The following NALF1 variants were observed in gnomAD, a reference collection of about 807,000 sequenced individuals.
NALF1 encodes family with sequence similarity 155 member A.
In NALF1, 3 loss-of-function variants were observed where a neutral mutation model predicts 48.4. The observed-to-expected ratio is 0.06, with a 90% confidence interval of 0.03 to 0.16. The LOEUF is 0.16. Among genes scored for constraint, NALF1 ranks in the 10% least tolerant of loss-of-function variants. The pLI is 1.00. For synonymous variants in NALF1, 262 were observed against 245.7 expected (o/e 1.07, Z -0.62); for missense variants, 526 against 571.5 (o/e 0.92, Z 0.81).
At chr13:107,724,951 A>G (rs1876105298) in intron 1 of NALF1, among the ~76,000 whole-genome samples, 1 of 152,160 alleles carries the variant, frequency 6.6e-6, no homozygotes, top group African/African-American at 2.4e-5. Context: ...GGTTCGTTTC[A>G]CTGATACTTC....
chr13:107,773,646 G>T (rs987064042), intron 1 of NALF1, among the ~76,000 whole-genome samples: 1 of 142,330 alleles, frequency 7.0e-6, no homozygotes, highest in Non-Finnish European at 1.5e-5. Context: ...ATGAGTGTCC[G>T]CATGTTCTCA....
At chr13:107,217,537 CTCTCTCTCTTTCTCTG>C (rs1251982433) in intron 1 of NALF1, among the ~76,000 whole-genome samples, 1 of 152,130 alleles carries the variant, frequency 6.6e-6, no homozygotes, top group East Asian at 1.9e-4. Context: ...ATGCTGATCT[CTCTCTCTCTTTCTCTG>C]TCTCTCTCTT....
At chr13:107,863,609 T>C (rs543374490) in intron 1 of NALF1, among the ~76,000 whole-genome samples, 1 of 152,296 alleles carries the variant, frequency 6.6e-6, no homozygotes, top group South Asian at 2.1e-4. Flanking sequence ...GAAGACTAAG[T>C]TTTTAAAGAA....
chr13:107,747,534 A>T (rs1269812108), intron 1 of NALF1, among the ~76,000 whole-genome samples: 1 of 152,176 alleles, frequency 6.6e-6, no homozygotes, highest in African/African-American at 2.4e-5. Flanking sequence ...ACCAACTCAT[A>T]CTTTTGCATA....
At chr13:107,279,002 C>T (rs970170815) in intron 1 of NALF1, among the ~76,000 whole-genome samples, 2 of 147,944 alleles carry the variant, frequency 1.4e-5, no homozygotes, top group African/African-American at 5.0e-5. Flanking sequence ...GGTTACCCGT[C>T]TATTCATTCA....
chr13:107,379,491 A>T (rs1883394910), intron 1 of NALF1, among the ~76,000 whole-genome samples: 2 of 152,198 alleles, frequency 1.3e-5, no homozygotes, highest in Admixed American at 1.3e-4. Flanking sequence ...AAGCTATAGG[A>T]AATTTAAGTC....
In NALF1 at chr13:107,290,325, G is replaced by GA. The variant is rs1174033754; in HGVS notation, c.916-79571dup. On this transcript the variant is annotated intron_variant, in intron 1 of 2. Coordinates refer to ENST00000375915, the MANE Select transcript of NALF1 (RefSeq NM_001080396.3). ...CCTTCCAAAATAGGAATAAAGGGAG[G>GA]AAAAAAGATGTCGATACGGTTTGGC... Among the ~76,000 whole-genome samples, 14 of 152,132 alleles carry GA rather than the reference G, an allele frequency of 9.2e-5. 1 individual carries two copies. The South Asian group carries it at 2.7e-3, about 29-fold the overall frequency.
intron 1 of NALF1, among the ~76,000 whole-genome samples, chr13:107,299,282 T>C (rs1280864520): frequency 2.6e-5 from 4 of 151,906 alleles, no homozygotes; most frequent in Non-Finnish European, 5.9e-5. Context: ...AATACAAAAA[T>C]TAGCTGGGCA....
At chr13:107,409,399 A>T (rs1883951852) in intron 1 of NALF1, among the ~76,000 whole-genome samples, 1 of 152,148 alleles carries the variant, frequency 6.6e-6, no homozygotes, top group African/African-American at 2.4e-5. Context: ...AAGGAAAGGT[A>T]GAGGGAAATA....
At chr13:107,583,821 C>G (rs1250511515) in intron 1 of NALF1, among the ~76,000 whole-genome samples, 3 of 151,974 alleles carry the variant, frequency 2.0e-5, no homozygotes, top group Non-Finnish European at 2.9e-5. Flanking sequence ...AGCAAAATAC[C>G]CTGTAACCTT....
intron 1 of NALF1, among the ~76,000 whole-genome samples, chr13:107,810,661 T>C (rs928765027): frequency 6.6e-6 from 1 of 152,162 alleles, no homozygotes; most frequent in African/African-American, 2.4e-5. Flanking sequence ...ATCATTATTT[T>C]TATAACCCAA....
chr13:107,519,547 C>T (rs1018457582), intron 1 of NALF1, among the ~76,000 whole-genome samples: 3 of 152,090 alleles, frequency 2.0e-5, no homozygotes, highest in Admixed American at 6.5e-5. Context: ...CAGGGGTTTC[C>T]GTCTGTCCAT....
At chr13:107,673,345 G>A (rs1881035992) in intron 1 of NALF1, among the ~76,000 whole-genome samples, 1 of 152,134 alleles carries the variant, frequency 6.6e-6, no homozygotes. Flanking sequence ...GCCAGGGATT[G>A]GAGCTTGTCC....
chr13:107,529,519 C>T (rs1306139342), intron 1 of NALF1, among the ~76,000 whole-genome samples: 6 of 152,268 alleles, frequency 3.9e-5, no homozygotes, highest in African/African-American at 1.4e-4. Context: ...ACTTTTCATA[C>T]AACCCTCAAT....
chr13:107,364,959 TCTCTCC>T (rs1384018270), intron 1 of NALF1, among the ~76,000 whole-genome samples: 1 of 61,912 alleles, frequency 1.6e-5, no homozygotes, highest in Non-Finnish European at 2.9e-5. Flanking sequence ...CCTCATTTTC[TCTCTCC>T]CTCTCCCCCT....
intron 1 of NALF1, among the ~76,000 whole-genome samples, chr13:107,662,695 C>CA (rs1447571781): frequency 6.6e-6 from 1 of 151,924 alleles, no homozygotes; most frequent in Non-Finnish European, 1.5e-5. Context: ...ATTCAAAAAA[C>CA]AAAAAATGTT....
At chr13:107,644,402 C>G (rs2138461466) in intron 1 of NALF1, among the ~76,000 whole-genome samples, 1 of 150,008 alleles carries the variant, frequency 6.7e-6, no homozygotes, top group East Asian at 2.0e-4. Context: ...CCCCTGTTTA[C>G]AGACACGGAA....
intron 1 of NALF1, among the ~76,000 whole-genome samples, chr13:107,701,093 AAAAT>A: frequency 6.6e-6 from 1 of 152,300 alleles, no homozygotes; most frequent in Non-Finnish European, 1.5e-5. Context: ...AAATAAAAGA[AAAAT>A]AAAACTACCA....
chr13:107,808,616 AT>A (rs1878882787), intron 1 of NALF1, among the ~76,000 whole-genome samples: 2 of 150,972 alleles, frequency 1.3e-5, no homozygotes, highest in Non-Finnish European at 2.9e-5. Flanking sequence ...TCTTATCTGT[AT>A]TTTCCTATTT....
Sources: gnomAD v4.1 joint callset for allele counts (sites outside exome capture counted in the v4.1 genomes callset) on GRCh38, gnomAD v4.1.1 for gene constraint, MANE v1.5 for transcripts, NCBI Gene and HGNC (gene_info 2026-07-23, HGNC 2026-07-21) for gene names.